Variants in JAKMIP3 observed in about 807,000 individuals in gnomAD.
The protein encoded by JAKMIP3 is janus kinase and microtubule-interacting protein 3.
JAKMIP3 carries 58 observed loss-of-function variants against 118.5 expected under a neutral mutation model. The observed-to-expected ratio is 0.49, with a 90% CI of 0.40 to 0.61. The LOEUF (loss-of-function observed/expected upper bound fraction) is 0.61, where lower values mean the gene tolerates loss of function less well. Ranked by LOEUF, JAKMIP3 falls within the 20% of genes least tolerant of loss-of-function variation. The probability of loss-of-function intolerance (pLI) is 0.00; values close to 1 mark genes in which losing one functional copy is unlikely to be tolerated. For synonymous variants in JAKMIP3, 486 were observed against 451.2 expected, an observed-to-expected ratio of 1.08 and a Z score of -0.98; for missense variants, 950 against 1,109.0, an observed-to-expected ratio of 0.86 and a Z score of 2.04.
intron 2 of JAKMIP3, among the ~76,000 whole-genome samples, chr10:132,111,020 C>T (rs1366246648): frequency 1.3e-5 from 2 of 152,244 alleles, no homozygotes; most frequent in Non-Finnish European, 2.9e-5. Flanking sequence ...CGCCCTCCTG[C>T]AGGCTGAGCC....
chr10:132,080,754 A>G (rs1235278430), intron 1 of JAKMIP3, among the ~76,000 whole-genome samples: 1 of 151,802 alleles, frequency 6.6e-6, no homozygotes, highest in Non-Finnish European at 1.5e-5. Flanking sequence ...TCCCAACCTC[A>G]AGCAGTCTGC....
At position 132,137,120 on chromosome 10, in the gene JAKMIP3, G is replaced by A. The variant is rs1461285101; in HGVS notation, c.1218G>A (p.Glu406=). The part of the protein sequence containing the change: ...EVDFLKLQIV[E]QQNLIDELSK... The stretch of plus-strand genomic sequence containing the variant: ...ATTTCTTGAAGCTTCAGATTGTGGA[G>A]CAGCAAAACCTCATAGATGAACTGT... Residue 406 remains glutamate, a synonymous_variant, in exon 7 of 24, where the codon GAG becomes GAA. Transcript: ENST00000684848. 6.2e-7 allele frequency: 1 copy of A among 1,613,952 alleles called. No homozygotes were observed. The highest frequency in any genetic ancestry group is 8.5e-7 in the Non-Finnish European group (1 of 1,179,886).
chr10:132,072,076 C>G (rs554677668), intron 1 of JAKMIP3, among the ~76,000 whole-genome samples: 2 of 151,854 alleles, frequency 1.3e-5, no homozygotes, highest in Non-Finnish European at 2.9e-5. Flanking sequence ...CTCAGCCTCT[C>G]GAGTAGCTGG....
intron 1 of JAKMIP3, among the ~76,000 whole-genome samples, chr10:132,072,054 T>C (rs1269250799): frequency 6.6e-6 from 1 of 151,718 alleles, no homozygotes; most frequent in Non-Finnish European, 1.5e-5. Flanking sequence ...CAGGTTCAAG[T>C]GATTCTCCTG....
intron 11 of JAKMIP3, 107 bp from the exon 12 acceptor site, chr10:132,145,000 C>G: frequency 3.6e-6 from 3 of 838,454 alleles, no homozygotes; most frequent in Non-Finnish European, 5.8e-6. Context: ...AGTCACTTCT[C>G]AATGAACTGA....
At chr10:132,056,022 C>T (rs776076461) in intron 1 of JAKMIP3, among the ~76,000 whole-genome samples, 17 of 152,158 alleles carry the variant, frequency 1.1e-4, no homozygotes, top group East Asian at 1.9e-4. Flanking sequence ...CACTTGAGTC[C>T]GCCTGGGGAC....
intron 2 of JAKMIP3, among the ~76,000 whole-genome samples, chr10:132,115,240 G>A (rs189159768): frequency 0.011 from 896 of 84,816 alleles, 9 homozygotes; most frequent in Non-Finnish European, 0.016. Flanking sequence ...CCGCGATCGC[G>A]GCTAGGGGTC....
chr10:132,078,073 A>C (rs2041119115), intron 1 of JAKMIP3, among the ~76,000 whole-genome samples: 1 of 152,162 alleles, frequency 6.6e-6, no homozygotes, highest in African/African-American at 2.4e-5. Context: ...TGGCCTCCCA[A>C]AGTGCTGGGA....
chr10:132,077,159 G>A (rs894049857), intron 1 of JAKMIP3, among the ~76,000 whole-genome samples: 2 of 152,338 alleles, frequency 1.3e-5, no homozygotes, highest in Admixed American at 1.3e-4. Context: ...GAGCAAAAGG[G>A]TTTTGCTTCC....
intron 1 of JAKMIP3, among the ~76,000 whole-genome samples, chr10:132,036,777 G>C (rs2037513246): frequency 1.3e-5 from 2 of 151,504 alleles, no homozygotes; most frequent in Admixed American, 1.3e-4. Context: ...CCGGGGGCCG[G>C]GCCTCTGCGC....
chr10:132,148,833 C>A lies in JAKMIP3; in HGVS notation c.1849-579C>A, dbSNP rs999859558. Among the ~76,000 whole-genome samples the A allele has an allele frequency of 2.0e-5, 3 of 152,300 alleles. No individual in the cohort carries two copies. The South Asian group carries it at 6.2e-4, about 32-fold the overall frequency. On this transcript the variant is annotated intron_variant, in intron 14 of 23. Transcript: ENST00000684848. Reference sequence around the variant, plus strand: ...GGAAGTGGCCCACACAGGGGCCGCCCCTGCCGAGCACCACACACAGCCCCG... The same window carrying A: ...GGAAGTGGCCCACACAGGGGCCGCCACTGCCGAGCACCACACACAGCCCCG...
intron 1 of JAKMIP3, among the ~76,000 whole-genome samples, chr10:132,056,442 C>T (rs928852165): frequency 6.6e-6 from 1 of 152,186 alleles, no homozygotes; most frequent in African/African-American, 2.4e-5. Context: ...AGGGTCCCAT[C>T]TTTTCCTACA....
intron 2 of JAKMIP3, among the ~76,000 whole-genome samples, chr10:132,113,128 G>A (rs116744616): frequency 2.6e-5 from 4 of 152,292 alleles, no homozygotes; most frequent in Admixed American, 2.6e-4. Context: ...CTGCTTTAGG[G>A]GATTCAATTT....
rs1035052437 is a variant in JAKMIP3 at position 132,118,077 on chromosome 10, G to A, written c.633+503G>A. On this transcript the variant is annotated intron_variant, in intron 3 of 23. Transcript: ENST00000684848. The surrounding 1 kb of genome is among the most constrained non-coding windows in gnomAD (Gnocchi z 4.8). ...TTGAACTCACAGGATCCAGAGAGGCGAGATCAGGAGGCCCCGGGGGGTGGG... is the reference window on the plus strand; with the variant it reads ...TTGAACTCACAGGATCCAGAGAGGCAAGATCAGGAGGCCCCGGGGGGTGGG... Among the ~76,000 whole-genome samples the A allele has an allele frequency of 2.0e-5, 3 of 152,180 alleles. No individual in the cohort carries two copies. Among genetic ancestry groups the A allele is most frequent in the Admixed American group, 6.5e-5 (1 of 15,284 alleles).
intron 19 of JAKMIP3, 113 bp from the exon 20 acceptor site, chr10:132,163,096 A>G: frequency 3.9e-6 from 4 of 1,035,638 alleles, no homozygotes; most frequent in Non-Finnish European, 5.6e-6. Flanking sequence ...TCCCTGTTGC[A>G]TATCCTCTTG....
At chr10:132,092,474 T>C (rs1476549589) in intron 1 of JAKMIP3, among the ~76,000 whole-genome samples, 1 of 152,232 alleles carries the variant, frequency 6.6e-6, no homozygotes, top group Non-Finnish European at 1.5e-5. Flanking sequence ...TTCTTTTTAC[T>C]CTTTTTTCTC....
At chr10:132,101,721 T>C (rs9419364) in intron 1 of JAKMIP3, among the ~76,000 whole-genome samples, 37,546 of 151,340 alleles carry the variant, frequency 0.25, 5,679 homozygotes, top group African/African-American at 0.44. Flanking sequence ...GGAAGGAAGC[T>C]GGAGCCCTGT....
At chr10:132,074,625 T>G (rs552096995) in intron 1 of JAKMIP3, among the ~76,000 whole-genome samples, 1 of 152,348 alleles carries the variant, frequency 6.6e-6, no homozygotes, top group Non-Finnish European at 1.5e-5. Flanking sequence ...CTCCCATCCT[T>G]TAGATTGTCT....
Position 132,117,606 on chromosome 10 carries a change from AGGGTGCAGGGGCG to A in JAKMIP3, c.633+35_633+47del, listed in dbSNP as rs771628316. 3.8e-5 allele frequency: 16 copies of A among 423,892 alleles called. No individual in the cohort carries two copies. The highest frequency in any genetic ancestry group is 1.4e-4 in the East Asian group (1 of 7,032). 26.3% of individuals were successfully genotyped at this position (423,892 alleles called of 1,614,324 possible). On this transcript the variant is annotated intron_variant, in intron 3 of 23. Transcript: ENST00000684848. The surrounding 1 kb of genome is among the most constrained non-coding windows in gnomAD (Gnocchi z 8.6). ...GGGCAGGCAGGGGCGGGCGTGGGCG[AGGGTGCAGGGGCG>A]GGCGTGGGCGAGGGTGCAGGGGCGG...
Sources: gnomAD v4.1 joint callset for allele counts (sites outside exome capture counted in the v4.1 genomes callset) on GRCh38, gnomAD v4.1.1 for gene constraint, Gnocchi (gnomAD v3.1) non-coding constraint, MANE v1.5 for transcripts, NCBI Gene and HGNC (gene_info 2026-07-23, HGNC 2026-07-21) for gene names.